CHST5: variants seen among roughly 807,000 people sequenced by gnomAD.
The protein encoded by CHST5 is GST4-alpha.
For missense variants in CHST5, 637 were observed against 602.1 expected, an observed-to-expected ratio of 1.06 and a Z score of -0.61; for synonymous variants, 313 against 279.2, an observed-to-expected ratio of 1.12 and a Z score of -1.21.
rs1555503834 is a variant in CHST5 at position 75,531,341 on chromosome 16, C to CAACA, written c.-958_-957insTGTT. On this transcript the variant is annotated 5_prime_UTR_variant, in exon 4 of 4. An upstream open reading frame in the 5' UTR loses its in-frame stop. Coordinates refer to ENST00000336257, the MANE Select transcript of CHST5 (RefSeq NM_024533.5). The stretch of plus-strand genomic sequence containing the variant: ...GTTTCAAAAAAAAAAAAAAAAACAA[C>CAACA]AAAAAAAAAACTTTTGTCATTAAAG... The CAACA allele has an allele frequency of 4.9e-3, 4,123 of 834,162 alleles. 116 individuals carry two copies. In the African/African-American group the frequency reaches 0.067, roughly 14 times the overall value. 51.7% of individuals were successfully genotyped at this position (834,162 alleles called of 1,614,324 possible). A position where few individuals can be genotyped will look rare whatever the true frequency, so the allele number is the denominator to read the frequency against.
rs1336920326 is a variant in CHST5, at chr16:75,531,139, A to G, written c.-755T>C. On this transcript the variant is annotated 5_prime_UTR_variant, in exon 4 of 4. Transcript: ENST00000336257. ...AGATCGAGACCATCCTGGCTAACAC[A>G]GTGAGACCCCATCTCTACTAAAAAT... 7 of 733,724 alleles carry G rather than the reference A, an allele frequency of 9.5e-6. No individual in the cohort carries two copies. The highest frequency in any genetic ancestry group is 6.1e-5 in the South Asian group (1 of 16,330). The allele number at this position is 733,724 out of a possible 1,614,324, so 45.5% of individuals were successfully genotyped here.
chr16:75,534,752 G>T (rs2080549314), intron 2 of CHST5, among the ~76,000 whole-genome samples: 1 of 152,226 alleles, frequency 6.6e-6, no homozygotes. Context: ...GAGGCAGTGA[G>T]GCACGACTCC....
At chr16:75,534,913 C>A (rs571620508) in intron 2 of CHST5, among the ~76,000 whole-genome samples, 10 of 152,198 alleles carry the variant, frequency 6.6e-5, no homozygotes, top group African/African-American at 2.4e-4. Flanking sequence ...AGGATTCCCG[C>A]GTGCAGCCGA....
At chr16:75,534,672 AC>A (rs1233068566) in intron 2 of CHST5, among the ~76,000 whole-genome samples, 2 of 152,126 alleles carry the variant, frequency 1.3e-5, no homozygotes, top group African/African-American at 2.4e-5. Flanking sequence ...AAACAAAAAA[AC>A]ATTTCCTAGG....
rs1331613677 is a variant in CHST5, at chr16:75,531,657, G to A, written c.-1256-17C>T. 1 of 1,302,884 alleles carries A rather than the reference G, an allele frequency of 7.7e-7. No homozygotes were observed. The highest frequency in any genetic ancestry group is 2.3e-5 in the Admixed American group (1 of 43,560). The allele number at this position is 1,302,884 out of a possible 1,614,324, so 80.7% of individuals were successfully genotyped here. A position where few individuals can be genotyped will look rare whatever the true frequency, so the allele number is the denominator to read the frequency against. ...TCTCGACATCTGGCAAAGCAGGAAG[G>A]AGAGGAGATCAGAGCCCTACAGAGA... On this transcript the variant is annotated splice_polypyrimidine_tract_variant and intron_variant, in intron 3 of 3. Coordinates refer to ENST00000336257, the MANE Select transcript of CHST5 (RefSeq NM_024533.5).
Position 75,530,777 on chromosome 16 carries a change from G to C in CHST5, c.-393C>G. On this transcript the variant is annotated 5_prime_UTR_variant, in exon 4 of 4. Coordinates refer to ENST00000336257, the MANE Select transcript of CHST5 (RefSeq NM_024533.5). ...GAGCACCACCAGGCTCGCCGAGGTT[G>C]AATCCTGGCTCTGCCACTTCCTAGC... The C allele has an allele frequency of 3.8e-6, 4 of 1,039,286 alleles. No individual in the cohort carries two copies. Among genetic ancestry groups the C allele is most frequent in the Non-Finnish European group, 4.7e-6 (4 of 853,452 alleles). 64.4% of individuals were successfully genotyped at this position (1,039,286 alleles called of 1,614,324 possible). A position where few individuals can be genotyped will look rare whatever the true frequency, so the allele number is the denominator to read the frequency against.
rs1354094900 is a variant in CHST5, at chr16:75,532,168, C to T, written c.-1256-528G>A. Among the ~76,000 whole-genome samples the T allele has an allele frequency of 2.6e-5, 4 of 152,268 alleles. No homozygotes were observed. In the East Asian group the frequency reaches 5.8e-4, roughly 22 times the overall value. Reference sequence around the variant, plus strand: ...ACATCTGGAGAGAAAGAACCCCCTCCACCTGGTGAGTCTCCCCACAGAGGA... The same window carrying T: ...ACATCTGGAGAGAAAGAACCCCCTCTACCTGGTGAGTCTCCCCACAGAGGA... On this transcript the variant is annotated intron_variant, in intron 3 of 3. Transcript: ENST00000336257.
chr16:75,529,572 G>C lies in CHST5; in HGVS notation c.813C>G (p.His271Gln), dbSNP rs776874218. The C allele has an allele frequency of 6.2e-7, 1 of 1,609,508 alleles. No homozygotes were observed. The highest frequency in any genetic ancestry group is 8.5e-7 in the Non-Finnish European group (1 of 1,178,842). The stretch of plus-strand genomic sequence containing the variant: ...GTGTGGCGGCCTCGGCGATGCGCAC[G>C]TGGCTGCGGCACACCTCGCGAATCA... ...LRLIREVCRS[H>Q]VRIAEAATLK... The change falls in exon 4 of 4, where the codon CAC (histidine) becomes CAG (glutamine). Residue 271 changes from histidine to glutamine, a missense_variant. By Grantham distance (24) the His-to-Gln change is conservative (BLOSUM62 0). Coordinates refer to ENST00000336257, the MANE Select transcript of CHST5 (RefSeq NM_024533.5).
Position 75,531,299 on chromosome 16 carries a change from GT to G in CHST5, c.-916del. ...ATTGCGCCACTGCACTGCAGCCTGA[GT>G]GAAGAGTGAGACTCCGTTTCAAAAA... On this transcript the variant is annotated 5_prime_UTR_variant, in exon 4 of 4. The change abolishes the stop of an existing upstream ORF in the 5' untranslated region. Transcript: ENST00000336257. The G allele has an allele frequency of 2.2e-6, 2 of 902,986 alleles. No individual in the cohort carries two copies. The highest frequency in any genetic ancestry group is 2.7e-6 in the Non-Finnish European group (2 of 728,170). The allele number at this position is 902,986 out of a possible 1,614,324, so 55.9% of individuals were successfully genotyped here. A position where few individuals can be genotyped will look rare whatever the true frequency, so the allele number is the denominator to read the frequency against.
intron 3 of CHST5, among the ~76,000 whole-genome samples, 165 bp downstream of exon 3, chr16:75,532,924 G>C (rs879343522): frequency 5.9e-5 from 9 of 152,194 alleles, no homozygotes; most frequent in African/African-American, 1.7e-4. Context: ...CTCCTGTTCC[G>C]AAGCTCCTGG....
intron 3 of CHST5, among the ~76,000 whole-genome samples, chr16:75,532,173 G>C (rs1333407281): frequency 6.6e-6 from 1 of 152,020 alleles, no homozygotes; most frequent in Non-Finnish European, 1.5e-5. Flanking sequence ...CCCTCCACCT[G>C]GTGAGTCTCC....
Position 75,531,427 on chromosome 16 carries a change from A to T in CHST5, c.-1043T>A, listed in dbSNP as rs931731656. On this transcript the variant is annotated 5_prime_UTR_variant, in exon 4 of 4. Coordinates refer to ENST00000336257, the MANE Select transcript of CHST5 (RefSeq NM_024533.5). The stretch of plus-strand genomic sequence containing the variant: ...CTGTTGTCATCACTGGTGGGGAGTG[A>T]AGTGCTGTAGGCAGCATGGGCTCCA... 1 of 1,183,130 alleles carries T rather than the reference A, an allele frequency of 8.5e-7. No homozygotes were observed. Among genetic ancestry groups the T allele is most frequent in the Non-Finnish European group, 1.1e-6 (1 of 927,684 alleles). The allele number at this position is 1,183,130 out of a possible 1,614,324, so 73.3% of individuals were successfully genotyped here.
chr16:75,532,839 G>A (rs561315596), intron 3 of CHST5, among the ~76,000 whole-genome samples: 1 of 152,346 alleles, frequency 6.6e-6, no homozygotes, highest in Admixed American at 6.5e-5. Context: ...GCCCTGAGGT[G>A]GGCATGATGA....
In CHST5 at chr16:75,530,230, C is replaced by T; in HGVS notation, c.155G>A (p.Gly52Glu). 1.2e-6 allele frequency: 2 copies of T among 1,613,622 alleles called. No homozygotes were observed. The highest frequency in any genetic ancestry group is 1.7e-6 in the Non-Finnish European group (2 of 1,179,970). ...CTCGCCGCCGGCTGGGGATGAGGGC[C>T]CTGGCCGGGAGATGATGAAGAGCAG... is the stretch of plus-strand genomic sequence containing the variant. ...CLLLFIISRP[G>E]PSSPAGGEDR... The change falls in exon 4 of 4, where the codon GGG becomes GAG. Residue 52 changes from glycine to glutamate, a missense_variant. Physicochemically the swap from Gly to Glu is moderately conservative, Grantham distance 98. Transcript: ENST00000336257.
chr16:75,532,441 C>A (rs903914040), intron 3 of CHST5, among the ~76,000 whole-genome samples: 1 of 152,218 alleles, frequency 6.6e-6, no homozygotes, highest in Admixed American at 6.5e-5. Context: ...TCTCCTTGCT[C>A]CTGCATCCTT....
intron 2 of CHST5, among the ~76,000 whole-genome samples, chr16:75,533,613 T>C (rs2080540700): frequency 1.3e-5 from 2 of 152,076 alleles, no homozygotes; most frequent in South Asian, 4.1e-4. Context: ...ATTAAAAAAG[T>C]AGAGATGAGG....
In CHST5 at chr16:75,528,903, A is replaced by AG. The variant is rs1416804654; in HGVS notation, c.*245dup. ...CTTACTCCCTGCGCCCAGAAGAGGT[A>AG]GGGGCAAGAGTTGCTTTCCATGAAG... On this transcript the variant is annotated 3_prime_UTR_variant, in exon 4 of 4. Coordinates refer to ENST00000336257, the MANE Select transcript of CHST5 (RefSeq NM_024533.5). The AG allele has an allele frequency of 8.9e-6, 4 of 447,566 alleles. No individual in the cohort carries two copies. Among genetic ancestry groups the AG allele is most frequent in the Non-Finnish European group, 1.6e-5 (4 of 253,516 alleles). The allele number at this position is 447,566 out of a possible 1,614,324, so 27.7% of individuals were successfully genotyped here. A position where few individuals can be genotyped will look rare whatever the true frequency, so the allele number is the denominator to read the frequency against.
chr16:75,529,420 T>G lies in CHST5; in HGVS notation c.965A>C (p.Glu322Ala). Residue 322 changes from glutamate to alanine, a missense_variant, in exon 4 of 4, where the codon GAG (glutamate) becomes GCG (alanine). Transcript: ENST00000336257. The part of the protein sequence containing the change: ...FTGLTLTPQL[E>A]AWIHNITHGS... ...GTGGGTGATGTTGTGGATCCAGGCC[T>G]CGAGCTGTGGCGTGAGGGTCAGGCC... 2 of 1,613,046 alleles carry G rather than the reference T, an allele frequency of 1.2e-6. No individual in the cohort carries two copies.
chr16:75,532,760 C>T lies in CHST5; in HGVS notation c.-1257+329G>A, dbSNP rs574375101. 5.9e-5 allele frequency among the ~76,000 whole-genome samples: 9 copies of T among 152,352 alleles called. No homozygotes were observed. The South Asian group carries it at 1.7e-3, about 28-fold the overall frequency. On this transcript the variant is annotated intron_variant, in intron 3 of 3. Transcript: ENST00000336257. ...AACAGAGTGCCAGAAAGGAAGGGAACTCATATTTGCTGACTTCAATGATCA... is the reference window on the plus strand; with the variant it reads ...AACAGAGTGCCAGAAAGGAAGGGAATTCATATTTGCTGACTTCAATGATCA...
Sources: gnomAD v4.1 joint callset for allele counts (sites outside exome capture counted in the v4.1 genomes callset) on GRCh38, gnomAD v4.1.1 for gene constraint, MANE v1.5 for transcripts, NCBI Gene and HGNC (gene_info 2026-07-23, HGNC 2026-07-21) for gene names.